Variants in PTPRC observed in about 807,000 individuals in gnomAD.
The protein encoded by PTPRC is protein tyrosine phosphatase receptor type C.
Under a neutral mutation model 155.9 loss-of-function variants are expected in PTPRC, and 44 were observed. The ratio of observed to expected loss-of-function variants is 0.28; its 90% confidence interval spans 0.22 to 0.36. PTPRC has a LOEUF of 0.36. Ranked by LOEUF, PTPRC falls within the 10% of genes least tolerant of loss-of-function variation. PTPRC has a pLI of 1.00. For missense variants in PTPRC, 1,401 were observed against 1,564.6 expected (o/e 0.90, Z 1.76); for synonymous variants, 525 against 533.1 (o/e 0.98, Z 0.21).
chr1:198,708,052 C>G (rs1653091670), intron 9 of PTPRC, 81 bp from the exon 10 acceptor site: 1 of 1,352,564 alleles, frequency 7.4e-7, no homozygotes, highest in South Asian at 1.2e-5. Flanking sequence ...GTGGCTTTAA[C>G]TGACATGTTA....
intron 3 of PTPRC, chr1:198,694,971 A>G: frequency 1.0e-6 from 1 of 981,104 alleles, no homozygotes; most frequent in Non-Finnish European, 1.2e-6. Flanking sequence ...TTATTTGGTT[A>G]TGAAAATCTA....
intron 11 of PTPRC, among the ~76,000 whole-genome samples, chr1:198,711,547 A>G (rs547853018): frequency 1.2e-4 from 19 of 152,322 alleles, no homozygotes; most frequent in African/African-American, 4.6e-4. Flanking sequence ...TCAAAGACAT[A>G]GGAGAAAATG....
intron 2 of PTPRC, among the ~76,000 whole-genome samples, chr1:198,691,344 C>T (rs1665913050): frequency 6.6e-6 from 1 of 152,072 alleles, no homozygotes; most frequent in South Asian, 2.1e-4. Context: ...GAAACTATAA[C>T]TCACTAGCAT....
intron 2 of PTPRC, among the ~76,000 whole-genome samples, chr1:198,646,879 G>T (rs991128776): frequency 6.6e-6 from 1 of 151,750 alleles, no homozygotes; most frequent in African/African-American, 2.4e-5. Context: ...ATAGTGTGTG[G>T]GGAAAGTGTC....
intron 23 of PTPRC, among the ~76,000 whole-genome samples, chr1:198,740,647 C>T (rs775231413): frequency 4.0e-5 from 6 of 151,536 alleles, no homozygotes; most frequent in Admixed American, 6.6e-5. Context: ...GACTCAAATG[C>T]GTACAGTCAG....
intron 14 of PTPRC, among the ~76,000 whole-genome samples, chr1:198,719,078 A>G (rs1571867284): frequency 6.6e-6 from 1 of 152,128 alleles, no homozygotes; most frequent in Admixed American, 6.5e-5. Flanking sequence ...TTAATAATTT[A>G]TGTTTCATAA....
At chr1:198,703,785 C>T (rs908067041) in intron 7 of PTPRC, 5 of 221,698 alleles carry the variant, frequency 2.3e-5, no homozygotes, top group Non-Finnish European at 4.6e-5. Flanking sequence ...GGAATGGCTG[C>T]AGCAATGGTG....
intron 2 of PTPRC, among the ~76,000 whole-genome samples, chr1:198,658,480 C>T (rs186072702): frequency 7.2e-5 from 11 of 152,238 alleles, no homozygotes; most frequent in East Asian, 3.9e-4. Flanking sequence ...CTCCTTGAGA[C>T]GGAATGATAA....
intron 2 of PTPRC, among the ~76,000 whole-genome samples, chr1:198,639,870 T>G (rs1381044727): frequency 6.6e-6 from 1 of 152,052 alleles, no homozygotes; most frequent in Admixed American, 6.6e-5. Flanking sequence ...AAAAATATAT[T>G]GAGATATTTA....
intron 8 of PTPRC, 113 bp downstream of exon 8, chr1:198,704,611 A>G (rs185134601): frequency 1.3e-6 from 2 of 1,590,160 alleles, no homozygotes; most frequent in Admixed American, 3.4e-5. Context: ...CACTGGCTCT[A>G]ATTTCTCACC....
chr1:198,728,315 T>C, intron 15 of PTPRC, 25 bp from the exon 16 acceptor site: 1 of 1,581,400 alleles, frequency 6.3e-7, no homozygotes, highest in Admixed American at 1.7e-5. Context: ...AATCGTTCTC[T>C]GAATGTATTA....
At chr1:198,662,470 G>GTGTA (rs1325341388) in intron 2 of PTPRC, among the ~76,000 whole-genome samples, 3 of 130,420 alleles carry the variant, frequency 2.3e-5, no homozygotes, top group Non-Finnish European at 4.9e-5. Flanking sequence ...GTGTGTGTGT[G>GTGTA]TGTGTGTGAG....
chr1:198,640,778 C>T (rs17610618), intron 2 of PTPRC, among the ~76,000 whole-genome samples: 22,897 of 151,884 alleles, frequency 0.15, 2,315 homozygotes, highest in Non-Finnish European at 0.22. Context: ...GAATATTTTT[C>T]TTCTCTTCAT....
chr1:198,671,549 T>G (rs1381775527), intron 2 of PTPRC, among the ~76,000 whole-genome samples: 1 of 152,234 alleles, frequency 6.6e-6, no homozygotes, highest in Non-Finnish European at 1.5e-5. Flanking sequence ...ATTGCTTAAT[T>G]TGTCTTTTAT....
intron 12 of PTPRC, among the ~76,000 whole-genome samples, chr1:198,714,700 A>T (rs908674398): frequency 6.6e-6 from 1 of 152,176 alleles, no homozygotes; most frequent in Non-Finnish European, 1.5e-5. Context: ...CTCCTCTCCC[A>T]TGTTACCTAA....
Position 198,750,587 on chromosome 1 carries a change from A to G in PTPRC, c.3168A>G (p.Lys1056=). The G allele has an allele frequency of 6.2e-7, 1 of 1,612,758 alleles. No individual in the cohort carries two copies. Among genetic ancestry groups the G allele is most frequent in the South Asian group, 1.1e-5 (1 of 91,062 alleles). ...AGATGATCTTCCAAAGAAAAGTCAA[A>G]GTTATTGTTATGCTGACAGAACTGA... The part of the protein sequence containing the change: ...FWQMIFQRKV[K]VIVMLTELKH... Residue 1056 remains lysine (K), a synonymous_variant, in exon 29 of 33, where the codon AAA becomes AAG. Coordinates refer to ENST00000442510, the MANE Select transcript of PTPRC (RefSeq NM_002838.5).
At chr1:198,645,217 T>C (rs1446850067) in intron 2 of PTPRC, among the ~76,000 whole-genome samples, 1 of 151,794 alleles carries the variant, frequency 6.6e-6, no homozygotes, top group Non-Finnish European at 1.5e-5. Flanking sequence ...TAAATTAAAG[T>C]ACAATTTGTC....
At chr1:198,729,104 G>A (rs1416449082) in intron 16 of PTPRC, 33 bp from the exon 17 acceptor site, 1 of 1,606,456 alleles carries the variant, frequency 6.2e-7, no homozygotes, top group Non-Finnish European at 8.5e-7. Context: ...TGCTTCTTGA[G>A]AATATAGAAA....
At chr1:198,721,900 A>G (rs556464052) in intron 14 of PTPRC, among the ~76,000 whole-genome samples, 1 of 151,412 alleles carries the variant, frequency 6.6e-6, no homozygotes, top group South Asian at 2.1e-4. Context: ...TTCCCTGTAT[A>G]TGTAAATTGT....
Sources: allele counts gnomAD v4.1 joint callset (sites outside exome capture counted in the v4.1 genomes callset), GRCh38; gene constraint gnomAD v4.1.1; transcripts MANE v1.5; gene names NCBI Gene and HGNC (gene_info 2026-07-23, HGNC 2026-07-21).